Variants in ABCA13 observed in about 807,000 individuals in gnomAD.
The protein encoded by ABCA13 is ATP binding cassette subfamily A member 13, also known as ATP-binding cassette sub-family A member 13.
ABCA13 carries 476 observed loss-of-function variants against 478.7 expected under a neutral mutation model. The observed-to-expected ratio is 0.99, with a 90% CI of 0.92 to 1.07. The LOEUF is 1.07. Ranked by LOEUF, ABCA13 falls within the 50% of genes least tolerant of loss-of-function variation. The pLI is 0.00. For missense variants in ABCA13, 6,060 were observed against 5,910.6 expected, an observed-to-expected ratio of 1.03 and a Z score of -0.83; for synonymous variants, 2,252 against 2,158.9, an observed-to-expected ratio of 1.04 and a Z score of -1.20.
intron 15 of ABCA13, among the ~76,000 whole-genome samples, chr7:48,264,571 T>G (rs1584505109): frequency 1.3e-5 from 2 of 151,996 alleles, no homozygotes; most frequent in South Asian, 4.1e-4. Flanking sequence ...CTATGTCATC[T>G]GTATTTTTGT....
intron 41 of ABCA13, among the ~76,000 whole-genome samples, chr7:48,415,383 C>G (rs561832427): frequency 1.3e-5 from 2 of 152,290 alleles, no homozygotes; most frequent in South Asian, 2.1e-4. Context: ...ATGTCTGTCT[C>G]TCTAATCATT....
chr7:48,597,560 A>G (rs1222204012), intron 58 of ABCA13, among the ~76,000 whole-genome samples: 3 of 152,202 alleles, frequency 2.0e-5, no homozygotes, highest in African/African-American at 2.4e-5. Context: ...TGGCCTTATC[A>G]GTATATGTTC....
chr7:48,340,915 G>T (rs1347794322), intron 29 of ABCA13, among the ~76,000 whole-genome samples: 1 of 152,042 alleles, frequency 6.6e-6, no homozygotes, highest in Non-Finnish European at 1.5e-5. Context: ...ATTTCTTTGG[G>T]ATCGGTCCTT....
intron 29 of ABCA13, among the ~76,000 whole-genome samples, chr7:48,346,443 G>A (rs1325104936): frequency 1.3e-5 from 2 of 151,370 alleles, no homozygotes; most frequent in Non-Finnish European, 2.9e-5. Context: ...GCAACACACA[G>A]ATACAGTAGA....
At chr7:48,428,950 C>G (rs1821781560) in intron 42 of ABCA13, among the ~76,000 whole-genome samples, 1 of 152,118 alleles carries the variant, frequency 6.6e-6, no homozygotes, top group Non-Finnish European at 1.5e-5. Flanking sequence ...CCTCAAAATC[C>G]CCATCTCTTC....
At chr7:48,264,873 A>G (rs1287690275) in intron 15 of ABCA13, among the ~76,000 whole-genome samples, 1 of 151,602 alleles carries the variant, frequency 6.6e-6, no homozygotes, top group East Asian at 1.9e-4. Flanking sequence ...GGTTGCAAAG[A>G]TTTTTGCCTA....
At chr7:48,358,259 GGGGAGGGGAC>G (rs200320315) in intron 31 of ABCA13, among the ~76,000 whole-genome samples, 2,009 of 114,260 alleles carry the variant, frequency 0.018, 71 homozygotes, top group African/African-American at 0.023. Context: ...GGGGAGGGGA[GGGGAGGGGAC>G]AATGCCTGCC....
At chr7:48,610,462 G>A (rs1379561079) in intron 58 of ABCA13, among the ~76,000 whole-genome samples, 2 of 152,196 alleles carry the variant, frequency 1.3e-5, no homozygotes, top group Non-Finnish European at 2.9e-5. Context: ...GGAGCGCAGT[G>A]CAAGCTGTCA....
At chr7:48,474,877 T>C (rs1336498802) in intron 45 of ABCA13, among the ~76,000 whole-genome samples, 1 of 152,220 alleles carries the variant, frequency 6.6e-6, no homozygotes, top group African/African-American at 2.4e-5. Context: ...ATCAGAATGA[T>C]TGGTGTTTAT....
intron 47 of ABCA13, among the ~76,000 whole-genome samples, chr7:48,488,550 G>A (rs937874780): frequency 1.3e-5 from 2 of 152,158 alleles, no homozygotes; most frequent in South Asian, 4.1e-4. Flanking sequence ...GAGCTGTTCA[G>A]TCAATTGAAT....
intron 6 of ABCA13, among the ~76,000 whole-genome samples, chr7:48,228,925 A>G (rs1018656597): frequency 1.5e-4 from 23 of 152,246 alleles, no homozygotes; most frequent in African/African-American, 5.1e-4. Context: ...GAACCATATC[A>G]GCTTCAGTAT....
intron 55 of ABCA13, among the ~76,000 whole-genome samples, chr7:48,579,461 C>G (rs1227450106): frequency 2.0e-5 from 3 of 152,280 alleles, no homozygotes; most frequent in Admixed American, 2.0e-4. Flanking sequence ...ATACAAAACA[C>G]TGACAATACC....
At chr7:48,509,973 C>T (rs1831534353) in intron 50 of ABCA13, among the ~76,000 whole-genome samples, 1 of 152,192 alleles carries the variant, frequency 6.6e-6, no homozygotes, top group Non-Finnish European at 1.5e-5. Context: ...CACCTTGATT[C>T]TGGTCTTTCC....
intron 48 of ABCA13, among the ~76,000 whole-genome samples, chr7:48,490,751 G>A (rs1829767193): frequency 6.6e-6 from 1 of 152,216 alleles, no homozygotes; most frequent in African/African-American, 2.4e-5. Context: ...AAGATCAAAT[G>A]CTGCTTGGCT....
chr7:48,585,314 T>G (rs1357413787), intron 56 of ABCA13, among the ~76,000 whole-genome samples: 1 of 152,206 alleles, frequency 6.6e-6, no homozygotes, highest in African/African-American at 2.4e-5. Flanking sequence ...TAAAACATTC[T>G]GGGGAAAATG....
At chr7:48,412,886 A>G (rs1181476856) in intron 41 of ABCA13, among the ~76,000 whole-genome samples, 2 of 151,156 alleles carry the variant, frequency 1.3e-5, no homozygotes, top group South Asian at 2.1e-4. Flanking sequence ...ATCTCGGCTC[A>G]CTGCAAGCTC....
At chr7:48,335,735 CGTT>C (rs1316380080) in intron 28 of ABCA13, among the ~76,000 whole-genome samples, 200 bp downstream of exon 28, 1 of 152,094 alleles carries the variant, frequency 6.6e-6, no homozygotes, top group Admixed American at 6.5e-5. Flanking sequence ...AAAATGGTAT[CGTT>C]GTGAGAATGA....
intron 41 of ABCA13, among the ~76,000 whole-genome samples, chr7:48,424,932 C>A (rs1267480537): frequency 2.0e-5 from 3 of 152,178 alleles, no homozygotes; most frequent in African/African-American, 7.2e-5. Context: ...TCAGAGCCTC[C>A]CGGACAGCCT....
chr7:48,245,781 A>G, intron 12 of ABCA13, 82 bp from the exon 13 acceptor site: 22 of 1,461,220 alleles, frequency 1.5e-5, no homozygotes, highest in Admixed American at 2.4e-5. Flanking sequence ...ATTGCTTATT[A>G]TATTTGCAGT....
Sources: allele counts gnomAD v4.1 joint callset (sites outside exome capture counted in the v4.1 genomes callset), GRCh38; gene constraint gnomAD v4.1.1; transcripts MANE v1.5; gene names NCBI Gene and HGNC (gene_info 2026-07-23, HGNC 2026-07-21).